Variants in EVI5 observed in about 807,000 individuals in gnomAD.
The protein encoded by EVI5 is ecotropic viral integration site 5 protein homolog.
A neutral mutation model predicts 112.0 loss-of-function variants in EVI5; 73 were observed. The observed-to-expected ratio is 0.65, with a 90% CI of 0.54 to 0.79. The LOEUF (loss-of-function observed/expected upper bound fraction) is 0.79, where lower values mean the gene tolerates loss of function less well. Ranked by LOEUF, EVI5 falls within the 30% of genes least tolerant of loss-of-function variation. The probability of loss-of-function intolerance (pLI) is 0.00; values close to 1 mark genes in which losing one functional copy is unlikely to be tolerated. For missense variants in EVI5, 900 were observed against 968.8 expected (o/e 0.93, Z 0.94); for synonymous variants, 305 against 319.9 (o/e 0.95, Z 0.50).
At position 92,510,386 on chromosome 1, in the gene EVI5, C is replaced by G. The variant is rs199893269; in HGVS notation, c.*3270G>C. 32 of 152,282 alleles carry G rather than the reference C, an allele frequency of 2.1e-4. No individual in the cohort carries two copies. Among genetic ancestry groups the G allele is most frequent in the African/African-American group, 7.2e-4 (30 of 41,578 alleles). The allele number at this position is 152,282 out of a possible 1,614,324, so 9.4% of individuals were successfully genotyped here. On this transcript the variant is annotated 3_prime_UTR_variant, in exon 20 of 20. Transcript: ENST00000684568. The stretch of plus-strand genomic sequence containing the variant: ...CTTCTCCAAAGATACAGATATCTTT[C>G]TACAGTTTTCTATGGAATAAGAGAC...
intron 16 of EVI5, among the ~76,000 whole-genome samples, chr1:92,619,552 C>T (rs1654046348): frequency 6.6e-6 from 1 of 151,560 alleles, no homozygotes; most frequent in African/African-American, 2.4e-5. Context: ...ATGCTAAAGG[C>T]TCTAAGGGAA....
chr1:92,632,149 C>T lies in EVI5; in HGVS notation c.1527+4053G>A, dbSNP rs184494759. On this transcript the variant is annotated intron_variant, in intron 14 of 19. Transcript: ENST00000684568. ...TATTGGTCTAAAATTCTCTTTTTTT[C>T]ATTGTGTCTCTGCCAACCTTTGGTA... Among the ~76,000 whole-genome samples, 690 of 152,010 alleles carry T rather than the reference C, an allele frequency of 4.5e-3. 6 individuals are homozygous for T. The highest frequency in any genetic ancestry group is 0.016 in the African/African-American group (654 of 41,458).
chr1:92,725,224 T>C (rs1396658791), intron 2 of EVI5, among the ~76,000 whole-genome samples: 1 of 152,074 alleles, frequency 6.6e-6, no homozygotes, highest in Non-Finnish European at 1.5e-5. Flanking sequence ...CAGAAAAGAT[T>C]AGATGTAACC....
intron 13 of EVI5, among the ~76,000 whole-genome samples, chr1:92,648,994 A>G (rs1220800091): frequency 6.6e-6 from 1 of 152,222 alleles, no homozygotes; most frequent in Non-Finnish European, 1.5e-5. Context: ...TCCTACCAAA[A>G]AGAAATGTAT....
chr1:92,705,662 C>T (rs557979599), intron 2 of EVI5, among the ~76,000 whole-genome samples: 27 of 152,274 alleles, frequency 1.8e-4, no homozygotes, highest in African/African-American at 6.5e-4. Flanking sequence ...TTTCCAAGAT[C>T]CAATCCATGA....
chr1:92,513,849 T>C lies in EVI5; in HGVS notation c.2288A>G (p.Asp763Gly), dbSNP rs199521058. Residue 763 changes from aspartate (D) to glycine (G), a missense_variant, in exon 20 of 20, where the codon GAT becomes GGT. Asp to Gly is a moderately conservative substitution (Grantham distance 94). Coordinates refer to ENST00000684568, the MANE Select transcript of EVI5 (RefSeq NM_001350197.2). Reference sequence around the variant, plus strand: ...AACACCAGTTTCCTGTAAGGAATTATCTATAAAATCTTCATCGGAGGAATG... The same window carrying C: ...AACACCAGTTTCCTGTAAGGAATTACCTATAAAATCTTCATCGGAGGAATG... ...SFHSSDEDFI[D>G]NSLQETGVGF... 2.5e-6 allele frequency: 4 copies of C among 1,613,814 alleles called. No individual in the cohort carries two copies. Among genetic ancestry groups the C allele is most frequent in the Non-Finnish European group, 3.4e-6 (4 of 1,179,820 alleles).
At chr1:92,749,066 C>CAAAAA (rs60282362) in intron 1 of EVI5, 32 of 104,336 alleles carry the variant, frequency 3.1e-4, no homozygotes, top group Non-Finnish European at 4.7e-4. Context: ...AACTCTGTCT[C>CAAAAA]AAAAAAAAAA....
chr1:92,702,853 A>G (rs1671418294), intron 4 of EVI5, among the ~76,000 whole-genome samples: 1 of 152,202 alleles, frequency 6.6e-6, no homozygotes, highest in African/African-American at 2.4e-5. Flanking sequence ...GATGTATATA[A>G]AACTAGACTA....
At chr1:92,621,527 T>C (rs1654595912) in intron 16 of EVI5, among the ~76,000 whole-genome samples, 1 of 152,154 alleles carries the variant, frequency 6.6e-6, no homozygotes, top group African/African-American at 2.4e-5. Flanking sequence ...TTGGCCAGGC[T>C]GGTCTCAAAC....
chr1:92,517,202 T>G (rs1014136931), intron 19 of EVI5, among the ~76,000 whole-genome samples: 3 of 152,208 alleles, frequency 2.0e-5, no homozygotes, highest in African/African-American at 7.2e-5. Flanking sequence ...ATACTGAACA[T>G]GTACCGACTC....
At chr1:92,723,608 T>G (rs1675092453) in intron 2 of EVI5, among the ~76,000 whole-genome samples, 1 of 152,188 alleles carries the variant, frequency 6.6e-6, no homozygotes, top group African/African-American at 2.4e-5. Context: ...ATACGTCACC[T>G]CAGGATCACT....
chr1:92,674,553 G>C (rs2102294406), intron 10 of EVI5, among the ~76,000 whole-genome samples: 1 of 152,212 alleles, frequency 6.6e-6, no homozygotes, highest in Admixed American at 6.5e-5. Flanking sequence ...GAGGGCTAGG[G>C]AAGGAATAGC....
At chr1:92,653,062 C>T (rs1487842640) in intron 13 of EVI5, among the ~76,000 whole-genome samples, 1 of 152,186 alleles carries the variant, frequency 6.6e-6, no homozygotes, top group African/African-American at 2.4e-5. Flanking sequence ...CTTGAGGGCA[C>T]TGCACCAGAT....
At chr1:92,621,966 C>T (rs1485137250) in intron 16 of EVI5, among the ~76,000 whole-genome samples, 1 of 151,596 alleles carries the variant, frequency 6.6e-6, no homozygotes, top group Non-Finnish European at 1.5e-5. Flanking sequence ...ACCAAAAATA[C>T]AAAAATTAGC....
chr1:92,738,189 C>T (rs532473938), intron 1 of EVI5, among the ~76,000 whole-genome samples: 3 of 152,064 alleles, frequency 2.0e-5, no homozygotes, highest in East Asian at 3.9e-4. Flanking sequence ...ATTTGTGCCA[C>T]GAAATGACAG....
intron 10 of EVI5, among the ~76,000 whole-genome samples, chr1:92,671,325 T>C (rs1271630767): frequency 6.6e-6 from 1 of 152,170 alleles, no homozygotes; most frequent in Non-Finnish European, 1.5e-5. Context: ...TTCTGGGAAC[T>C]ACACCTACCT....
At chr1:92,677,721 C>T (rs114036942) in intron 9 of EVI5, among the ~76,000 whole-genome samples, 3,657 of 152,170 alleles carry the variant, frequency 0.024, 150 homozygotes, top group African/African-American at 0.083. Flanking sequence ...ATAACTACTG[C>T]GGGAGGAACC....
intron 1 of EVI5, among the ~76,000 whole-genome samples, chr1:92,768,096 G>T (rs1338588651): frequency 6.9e-6 from 1 of 144,680 alleles, no homozygotes; most frequent in Non-Finnish European, 1.5e-5. Context: ...AAAAAAAAGA[G>T]AACTCATATA....
intron 18 of EVI5, among the ~76,000 whole-genome samples, chr1:92,566,803 C>G (rs76673921): frequency 3.1e-5 from 3 of 97,880 alleles, no homozygotes; most frequent in African/African-American, 1.1e-4. Context: ...TGTGTGCCTG[C>G]TTTTTTTTTT....
Sources: allele counts gnomAD v4.1 joint callset (sites outside exome capture counted in the v4.1 genomes callset), GRCh38; gene constraint gnomAD v4.1.1; transcripts MANE v1.5; gene names NCBI Gene and HGNC (gene_info 2026-07-23, HGNC 2026-07-21).